CSMD3: variants seen among roughly 807,000 people sequenced by gnomAD.
CSMD3 encodes CUB and sushi domain-containing protein 3.
In CSMD3, 177 loss-of-function variants were observed where a neutral mutation model predicts 435.2. The ratio of observed to expected loss-of-function variants is 0.41; its 90% CI spans 0.36 to 0.46. The LOEUF (loss-of-function observed/expected upper bound fraction) is 0.46, where lower values mean the gene tolerates loss of function less well. Among genes scored for constraint, CSMD3 ranks in the 20% least tolerant of loss-of-function variants. The probability of loss-of-function intolerance (pLI) is 0.34; values close to 1 mark genes in which losing one functional copy is unlikely to be tolerated. For synonymous variants in CSMD3, 1,656 were observed against 1,520.5 expected (o/e 1.09, Z -2.07); for missense variants, 4,265 against 4,504.6 (o/e 0.95, Z 1.52).
intron 13 of CSMD3, among the ~76,000 whole-genome samples, chr8:112,781,831 C>A (rs1016934761): frequency 2.6e-5 from 4 of 152,168 alleles, no homozygotes; most frequent in African/African-American, 9.7e-5. Context: ...ACCACTAAGG[C>A]AGTATCTCCA....
chr8:113,054,522 A>G (rs7817723), intron 5 of CSMD3, among the ~76,000 whole-genome samples: 14,305 of 152,204 alleles, frequency 0.094, 867 homozygotes, highest in Middle Eastern at 0.16. Context: ...GTTCTGTAGC[A>G]ATTGAAAAAT....
intron 4 of CSMD3, among the ~76,000 whole-genome samples, chr8:113,158,641 T>C (rs1407342568): frequency 6.6e-6 from 1 of 152,040 alleles, no homozygotes; most frequent in African/African-American, 2.4e-5. Context: ...CAGATCTTTT[T>C]AACTATCCAC....
At chr8:112,366,707 C>T (rs1340932129) in intron 38 of CSMD3, among the ~76,000 whole-genome samples, 2 of 151,970 alleles carry the variant, frequency 1.3e-5, no homozygotes, top group East Asian at 3.9e-4. Context: ...CAGGCATTCA[C>T]CTTATAGTCC....
At chr8:113,047,925 A>T (rs952455054) in intron 5 of CSMD3, among the ~76,000 whole-genome samples, 37 of 152,026 alleles carry the variant, frequency 2.4e-4, no homozygotes, top group Admixed American at 1.5e-3. Context: ...CTTCTTTGAA[A>T]TTAGGTCTGT....
At chr8:112,806,214 G>C (rs568354301) in intron 12 of CSMD3, among the ~76,000 whole-genome samples, 3 of 152,176 alleles carry the variant, frequency 2.0e-5, no homozygotes, top group Admixed American at 1.3e-4. Flanking sequence ...CTGAAGAAGT[G>C]TTCCAATTAA....
At chr8:112,419,671 C>G (rs1754957685) in intron 32 of CSMD3, among the ~76,000 whole-genome samples, 2 of 152,082 alleles carry the variant, frequency 1.3e-5, no homozygotes, top group Admixed American at 6.6e-5. Flanking sequence ...GACCATTTGC[C>G]TACTGTCAAA....
chr8:112,593,283 TGGGTTACTA>T (rs1486099470), intron 22 of CSMD3, among the ~76,000 whole-genome samples: 1 of 152,068 alleles, frequency 6.6e-6, no homozygotes, highest in Admixed American at 6.5e-5. Context: ...ATTGTAGTCT[TGGGTTACTA>T]GAGGATGAAA....
chr8:112,843,122 T>C (rs1454649477), intron 11 of CSMD3, among the ~76,000 whole-genome samples: 1 of 151,914 alleles, frequency 6.6e-6, no homozygotes, highest in Non-Finnish European at 1.5e-5. Context: ...GGTTTCTTTA[T>C]ACTTCTCTGT....
At chr8:113,318,322 A>G (rs1395543034) in intron 1 of CSMD3, among the ~76,000 whole-genome samples, 1 of 152,176 alleles carries the variant, frequency 6.6e-6, no homozygotes, top group Non-Finnish European at 1.5e-5. Context: ...TATCATGTTT[A>G]TTTGAAATTT....
chr8:113,352,958 A>G (rs1229310282), intron 1 of CSMD3, among the ~76,000 whole-genome samples: 2 of 152,154 alleles, frequency 1.3e-5, no homozygotes, highest in African/African-American at 4.8e-5. Flanking sequence ...TGTGTTTTAA[A>G]AGAGGTGATA....
chr8:112,329,823 A>G (rs2130917495), intron 45 of CSMD3, among the ~76,000 whole-genome samples: 1 of 152,250 alleles, frequency 6.6e-6, no homozygotes, highest in East Asian at 1.9e-4. Context: ...GTAGTCATTT[A>G]AGTCATTTAA....
intron 27 of CSMD3, 102 bp from the exon 28 acceptor site, chr8:112,517,327 A>T (rs1823781150): frequency 2.7e-6 from 2 of 751,100 alleles, no homozygotes; most frequent in African/African-American, 1.8e-5. Context: ...TTTGGGGTCA[A>T]TTTTTAAATG....
intron 32 of CSMD3, among the ~76,000 whole-genome samples, chr8:112,449,964 T>G (rs897131643): frequency 6.6e-6 from 1 of 152,160 alleles, no homozygotes; most frequent in African/African-American, 2.4e-5. Context: ...CCTCAGCTTA[T>G]CCACCCGCCT....
chr8:112,838,411 C>A (rs983333985), intron 11 of CSMD3, among the ~76,000 whole-genome samples: 4 of 151,598 alleles, frequency 2.6e-5, no homozygotes, highest in African/African-American at 7.3e-5. Flanking sequence ...TTTACATGCT[C>A]ATTTTGGCAG....
At chr8:113,392,736 G>T (rs1293596241) in intron 1 of CSMD3, among the ~76,000 whole-genome samples, 3 of 151,918 alleles carry the variant, frequency 2.0e-5, no homozygotes, top group Admixed American at 2.0e-4. Flanking sequence ...TTTAGGAAAT[G>T]ATTCAAGAGT....
At chr8:112,936,452 A>G (rs1008416689) in intron 9 of CSMD3, among the ~76,000 whole-genome samples, 2 of 152,130 alleles carry the variant, frequency 1.3e-5, no homozygotes, top group Non-Finnish European at 2.9e-5. Flanking sequence ...ACTCCTATGG[A>G]AACTTAAGAA....
chr8:113,177,559 G>A (rs1211056300), intron 3 of CSMD3, among the ~76,000 whole-genome samples: 1 of 151,854 alleles, frequency 6.6e-6, no homozygotes, highest in East Asian at 1.9e-4. Context: ...GATTAAAATG[G>A]GATTGCAGTA....
chr8:112,977,417 T>A (rs2084894467), intron 6 of CSMD3, among the ~76,000 whole-genome samples: 1 of 152,064 alleles, frequency 6.6e-6, no homozygotes, highest in African/African-American at 2.4e-5. Context: ...TTTTAACCAT[T>A]CTGAAAGAGA....
At chr8:112,533,163 G>A (rs193190982) in intron 27 of CSMD3, among the ~76,000 whole-genome samples, 39 of 151,946 alleles carry the variant, frequency 2.6e-4, no homozygotes, top group Non-Finnish European at 5.0e-4. Context: ...TACTAACTTT[G>A]TGGTTAAGAA....
Sources: allele counts gnomAD v4.1 joint callset (sites outside exome capture counted in the v4.1 genomes callset), GRCh38; gene constraint gnomAD v4.1.1; transcripts MANE v1.5; gene names NCBI Gene and HGNC (gene_info 2026-07-23, HGNC 2026-07-21).